The following TSHZ2 variants were observed in gnomAD, a reference collection of about 807,000 sequenced individuals.
The protein encoded by TSHZ2 is teashirt zinc finger homeobox 2.
TSHZ2 carries 21 observed loss-of-function variants against 74.4 expected under a neutral mutation model. The ratio of observed to expected loss-of-function variants is 0.28; its 90% confidence interval spans 0.20 to 0.41. The LOEUF is 0.41. Among genes scored for constraint, TSHZ2 ranks in the 10% least tolerant of loss-of-function variants. The pLI, the probability that TSHZ2 is intolerant of heterozygous loss-of-function variation, is 1.00. For synonymous variants in TSHZ2, 540 were observed against 515.3 expected (o/e 1.05, Z -0.65); for missense variants, 1,244 against 1,293.5 (o/e 0.96, Z 0.59).
intron 1 of TSHZ2, among the ~76,000 whole-genome samples, chr20:53,162,790 A>G (rs893009786): frequency 1.3e-5 from 2 of 152,224 alleles, no homozygotes; most frequent in African/African-American, 4.8e-5. Flanking sequence ...AACTGCAGAG[A>G]CATCTGCTGA....
At chr20:53,432,336 G>C (rs1232130671) in intron 2 of TSHZ2, among the ~76,000 whole-genome samples, 1 of 152,172 alleles carries the variant, frequency 6.6e-6, no homozygotes, top group African/African-American at 2.4e-5. Context: ...AGTATTCCAT[G>C]CTGTGTAAAT....
At chr20:52,998,543 G>A (rs958184200) in intron 1 of TSHZ2, among the ~76,000 whole-genome samples, 2 of 152,154 alleles carry the variant, frequency 1.3e-5, no homozygotes, top group African/African-American at 4.8e-5. Flanking sequence ...ACTTGCTCAG[G>A]GAAACCTTGC....
At chr20:53,448,025 T>G (rs1017004836) in intron 2 of TSHZ2, among the ~76,000 whole-genome samples, 7 of 151,876 alleles carry the variant, frequency 4.6e-5, no homozygotes, top group African/African-American at 9.7e-5. Context: ...GCCATTCTCC[T>G]GCCTCAGCCT....
At chr20:53,104,738 G>T (rs1187088951) in intron 1 of TSHZ2, among the ~76,000 whole-genome samples, 1 of 152,156 alleles carries the variant, frequency 6.6e-6, no homozygotes, top group Non-Finnish European at 1.5e-5. Flanking sequence ...AGGAATGCCC[G>T]CCTGGCAGTG....
chr20:53,231,992 C>T (rs1424754565), intron 1 of TSHZ2, among the ~76,000 whole-genome samples: 1 of 152,214 alleles, frequency 6.6e-6, no homozygotes, highest in Non-Finnish European at 1.5e-5. Flanking sequence ...TCAAGCCATC[C>T]TCCCACCTTA....
intron 2 of TSHZ2, among the ~76,000 whole-genome samples, chr20:53,285,912 G>C (rs1991155437): frequency 6.6e-6 from 1 of 152,168 alleles, no homozygotes; most frequent in South Asian, 2.1e-4. Context: ...AATTACTGTA[G>C]CATCAGGGAG....
intron 1 of TSHZ2, among the ~76,000 whole-genome samples, chr20:53,145,770 A>T (rs1198672238): frequency 6.6e-6 from 1 of 152,240 alleles, no homozygotes; most frequent in Admixed American, 6.5e-5. Context: ...CCAGAGAAGC[A>T]CAGGTAATCC....
At chr20:53,289,814 A>G (rs1991246907) in intron 2 of TSHZ2, among the ~76,000 whole-genome samples, 1 of 152,254 alleles carries the variant, frequency 6.6e-6, no homozygotes, top group Non-Finnish European at 1.5e-5. Flanking sequence ...GAATAAAACC[A>G]TGATCAAACA....
chr20:53,273,048 C>G (rs1310654921), intron 2 of TSHZ2, among the ~76,000 whole-genome samples: 1 of 152,190 alleles, frequency 6.6e-6, no homozygotes, highest in East Asian at 1.9e-4. Flanking sequence ...GCAGGAGAAA[C>G]AGGAGCAGGG....
At chr20:53,426,952 C>A (rs971576439) in intron 2 of TSHZ2, among the ~76,000 whole-genome samples, 6 of 152,122 alleles carry the variant, frequency 3.9e-5, no homozygotes, top group African/African-American at 1.2e-4. Context: ...CCTATTTAGC[C>A]GTGATTTTTG....
intron 2 of TSHZ2, among the ~76,000 whole-genome samples, chr20:53,453,334 T>A (rs1261221722): frequency 1.3e-5 from 2 of 152,214 alleles, no homozygotes; most frequent in East Asian, 3.8e-4. Flanking sequence ...GCCAGCAAAC[T>A]CCATTTTTCT....
intron 1 of TSHZ2, among the ~76,000 whole-genome samples, chr20:53,011,558 T>C (rs1982851457): frequency 6.6e-6 from 1 of 152,184 alleles, no homozygotes; most frequent in Non-Finnish European, 1.5e-5. Flanking sequence ...AGATTGTGTA[T>C]TAACCAAACA....
intron 1 of TSHZ2, among the ~76,000 whole-genome samples, chr20:52,981,515 C>T (rs1487064348): frequency 6.6e-6 from 1 of 152,082 alleles, no homozygotes; most frequent in Non-Finnish European, 1.5e-5. Flanking sequence ...TGTGTCTTTA[C>T]CCTGAATAAC....
intron 1 of TSHZ2, among the ~76,000 whole-genome samples, chr20:53,220,531 A>T (rs1259106896): frequency 6.6e-6 from 1 of 152,100 alleles, no homozygotes; most frequent in Admixed American, 6.5e-5. Flanking sequence ...TTATGGACAC[A>T]ATTTTATTGG....
rs1372692626 is a variant in TSHZ2, at chr20:53,255,788, C to T, written c.2330C>T (p.Ser777Phe). 6.2e-7 allele frequency: 1 copy of T among 1,613,996 alleles called. No homozygotes were observed. Among genetic ancestry groups the T allele is most frequent in the Non-Finnish European group, 8.5e-7 (1 of 1,179,976 alleles). The change falls in exon 2 of 3, where the codon TCC becomes TTC. Residue 777 changes from serine (S) to phenylalanine (F), a missense_variant. Ser to Phe is a radical substitution (Grantham distance 155, BLOSUM62 -2). This residue lies in a region of TSHZ2 where 562 missense variants were observed against 544.0 expected (regional missense o/e 1.03). Transcript: ENST00000371497. The surrounding 1 kb of genome is among the most constrained non-coding windows in gnomAD (Gnocchi z 4.1). The part of the protein sequence containing the change: ...LTKSKSKKAE[S>F]SQAQSCMSPP... ...AAGTCCAAAAGCAAGAAAGCCGAGT[C>T]CTCGCAAGCACAATCTTGTATGTCC...
At chr20:53,070,428 A>C (rs1306638300) in intron 1 of TSHZ2, among the ~76,000 whole-genome samples, 1 of 152,194 alleles carries the variant, frequency 6.6e-6, no homozygotes, top group Non-Finnish European at 1.5e-5. Context: ...TCATTTATTT[A>C]CCTGCGCTTT....
intron 1 of TSHZ2, among the ~76,000 whole-genome samples, chr20:53,234,590 G>A (rs543594085): frequency 2.6e-4 from 40 of 152,276 alleles, no homozygotes; most frequent in South Asian, 1.7e-3. Context: ...TGGTTGCAAC[G>A]TTAAATAGGG....
chr20:53,464,924 G>C (rs753021988), intron 2 of TSHZ2, among the ~76,000 whole-genome samples: 1 of 152,190 alleles, frequency 6.6e-6, no homozygotes, highest in Non-Finnish European at 1.5e-5. Context: ...GAGCCACCAC[G>C]CTCAGCTTAG....
chr20:53,451,034 A>G lies in TSHZ2; in HGVS notation c.*9-36110A>G, dbSNP rs532329881. 6.1e-4 allele frequency among the ~76,000 whole-genome samples: 93 copies of G among 152,272 alleles called. 1 individual carries two copies. The highest frequency in any genetic ancestry group is 5.4e-4 in the Non-Finnish European group (37 of 68,020). On this transcript the variant is annotated intron_variant, in intron 2 of 2. Coordinates refer to ENST00000371497, the MANE Select transcript of TSHZ2 (RefSeq NM_173485.6). ...TTAAAGTACACACTTTGGAAAACAG[A>G]TTGGAAAACCTTTCTGAAAAAAGTT...
Sources: gnomAD v4.1 joint callset for allele counts (sites outside exome capture counted in the v4.1 genomes callset) on GRCh38, gnomAD v4.1.1 for gene constraint, gnomAD v4.1.1 regional missense constraint, Gnocchi (gnomAD v3.1) non-coding constraint, MANE v1.5 for transcripts, NCBI Gene and HGNC (gene_info 2026-07-23, HGNC 2026-07-21) for gene names.